MTA1: variants seen among roughly 807,000 people sequenced by gnomAD.
MTA1 encodes the protein metastasis associated 1, also known as metastasis-associated protein MTA1.
MTA1 carries 15 observed loss-of-function variants against 97.0 expected under a neutral mutation model. The ratio of observed to expected loss-of-function variants is 0.15; its 90% CI spans 0.10 to 0.24. The LOEUF (loss-of-function observed/expected upper bound fraction) is 0.24. Among genes scored for constraint, MTA1 ranks in the 10% least tolerant of loss-of-function variants. The pLI is 1.00. For missense variants in MTA1, 709 were observed against 1,015.1 expected, an observed-to-expected ratio of 0.70 and a Z score of 4.10; for synonymous variants, 435 against 417.5, an observed-to-expected ratio of 1.04 and a Z score of -0.51.
At chr14:105,456,943 A>G (rs1406869017) in intron 7 of MTA1, among the ~76,000 whole-genome samples, 1 of 152,246 alleles carries the variant, frequency 6.6e-6, no homozygotes, top group Non-Finnish European at 1.5e-5. Context: ...CACATGGCCC[A>G]GGATGTCCGG....
Position 105,470,503 on chromosome 14 carries a change from C to G in MTA1, c.*288C>G, listed in dbSNP as rs950205945. 1 of 380,812 alleles carries G rather than the reference C, an allele frequency of 2.6e-6. No individual in the cohort carries two copies. Among genetic ancestry groups the G allele is most frequent in the Non-Finnish European group, 4.7e-6 (1 of 214,814 alleles). 23.6% of individuals were successfully genotyped at this position (380,812 alleles called of 1,614,324 possible). A position where few individuals can be genotyped will look rare whatever the true frequency, so the allele number is the denominator to read the frequency against. ...GCTGCGGGGCCTTTTGCCCGGAGGC[C>G]GGGCCCTAAGGTTTTGTTGTGTTCT... is the stretch of plus-strand genomic sequence containing the variant. On this transcript the variant is annotated 3_prime_UTR_variant, in exon 21 of 21. Coordinates refer to ENST00000331320, the MANE Select transcript of MTA1 (RefSeq NM_004689.4).
Position 105,424,871 on chromosome 14 carries a change from T to C in MTA1, c.28+4808T>C, listed in dbSNP as rs2081963343. On this transcript the variant is annotated intron_variant, in intron 1 of 20. Coordinates refer to ENST00000331320, the MANE Select transcript of MTA1 (RefSeq NM_004689.4). The surrounding 1 kb of genome is among the most constrained non-coding windows in gnomAD (Gnocchi z 4.0). ...AAAAGTAGCTGTCAGTGAGAGATGTTGGAATATATGGTCCAATGAAGCACA... is the reference window on the plus strand; with the variant it reads ...AAAAGTAGCTGTCAGTGAGAGATGTCGGAATATATGGTCCAATGAAGCACA... 6.6e-6 allele frequency among the ~76,000 whole-genome samples: 1 copy of C among 152,244 alleles called. No homozygotes were observed. Among genetic ancestry groups the C allele is most frequent in the African/African-American group, 2.4e-5 (1 of 41,470 alleles).
chr14:105,441,759 A>G lies in MTA1; in HGVS notation c.96+3020A>G, dbSNP rs587678677. Among the ~76,000 whole-genome samples the G allele has an allele frequency of 2.2e-4, 33 of 152,222 alleles. 1 individual carries two copies. In the East Asian group the frequency reaches 3.9e-3, roughly 18 times the overall value. ...CAGTGAGCCGAGATCCCGCCACTAC[A>G]CTCCAGCCTGGGCGACAGAGCGAGA... On this transcript the variant is annotated intron_variant, in intron 2 of 20. Coordinates refer to ENST00000331320, the MANE Select transcript of MTA1 (RefSeq NM_004689.4).
chr14:105,445,242 G>T (rs2082676948), intron 2 of MTA1, among the ~76,000 whole-genome samples, 176 bp from the exon 3 acceptor site: 1 of 152,232 alleles, frequency 6.6e-6, no homozygotes, highest in African/African-American at 2.4e-5. Context: ...GACGCCACGG[G>T]CGTCCAGAGC....
intron 17 of MTA1, 60 bp from the exon 18 acceptor site, chr14:105,466,647 G>C: frequency 6.3e-7 from 1 of 1,589,998 alleles, no homozygotes; most frequent in Non-Finnish European, 8.6e-7. Flanking sequence ...CCCCGCCCGG[G>C]CACCCGCCGT....
Position 105,466,568 on chromosome 14 carries a change from C to T in MTA1, c.1767C>T (p.Asn589=), listed in dbSNP as rs375441325. ...ILGKRSYEQH[N]GVDGNMKKRL... ...GCAAGCGCAGCTACGAGCAGCACAA[C>T]GGGGTGGACGGTGAGTGGCCCCCCC... The change falls in exon 17 of 21, where the codon AAC becomes AAT. Residue 589 remains asparagine, a synonymous_variant. Transcript: ENST00000331320. The T allele has an allele frequency of 3.0e-5, 48 of 1,576,294 alleles. No homozygotes were observed. Among genetic ancestry groups the T allele is most frequent in the African/African-American group, 1.6e-4 (12 of 74,092 alleles).
At chr14:105,426,670 C>T (rs1202930103) in intron 1 of MTA1, among the ~76,000 whole-genome samples, 1 of 152,222 alleles carries the variant, frequency 6.6e-6, no homozygotes, top group Non-Finnish European at 1.5e-5. Flanking sequence ...CTGTCCCCAT[C>T]CCTTGACTGC....
chr14:105,463,168 G>A lies in MTA1; in HGVS notation c.943-16G>A, dbSNP rs56013805. ...CTGCCCCTTCCTGCTTGTGTGACAC[G>A]CCTCCTCCCACCCAGCTCCCGTGGA... On this transcript the variant is annotated splice_polypyrimidine_tract_variant and intron_variant, in intron 10 of 20. Coordinates refer to ENST00000331320, the MANE Select transcript of MTA1 (RefSeq NM_004689.4). This position sits in a 1 kb window ranked among gnomAD's most constrained non-coding sequence, Gnocchi z 5.9. The A allele has an allele frequency of 0.022, 34,657 of 1,609,904 alleles. 619 individuals carry two copies. Among genetic ancestry groups the A allele is most frequent in the Middle Eastern group, 0.092 (558 of 6,054 alleles).
intron 18 of MTA1, chr14:105,468,001 G>A (rs1253668098): frequency 6.7e-6 from 2 of 296,728 alleles, no homozygotes; most frequent in East Asian, 1.8e-4. Flanking sequence ...CTGGCTGGGC[G>A]GGGCCCTGGG....
chr14:105,457,599 C>A (rs1342683401), intron 7 of MTA1, among the ~76,000 whole-genome samples: 2 of 152,248 alleles, frequency 1.3e-5, no homozygotes, highest in Non-Finnish European at 2.9e-5. Flanking sequence ...GCAGGGCCCT[C>A]TTGCAACAGC....
At chr14:105,457,080 C>T (rs1433541028) in intron 7 of MTA1, among the ~76,000 whole-genome samples, 5 of 152,194 alleles carry the variant, frequency 3.3e-5, no homozygotes, top group African/African-American at 1.2e-4. Flanking sequence ...AGGGCAGCCC[C>T]GCACTCCGTG....
In MTA1 at chr14:105,469,773, G is replaced by C. The variant is rs369101352; in HGVS notation, c.1846-68G>C. 1.5e-4 allele frequency: 235 copies of C among 1,554,366 alleles called. 2 individuals are homozygous for C. The African/African-American group carries it at 2.7e-3, about 18-fold the overall frequency. The stretch of plus-strand genomic sequence containing the variant: ...TTGGCCAGGCACAGCACCTCCCAGC[G>C]GGAGCCCTGCAGGTTGAGGTGGAGC... On this transcript the variant is annotated intron_variant, in intron 19 of 20. Coordinates refer to ENST00000331320, the MANE Select transcript of MTA1 (RefSeq NM_004689.4).
chr14:105,466,633 C>T (rs1211958546), intron 17 of MTA1, 55 bp downstream of exon 17: 3 of 1,579,036 alleles, frequency 1.9e-6, no homozygotes, highest in South Asian at 1.1e-5. Context: ...TGAGTCCGGC[C>T]CGTCCCCGCC....
intron 10 of MTA1, among the ~76,000 whole-genome samples, chr14:105,461,888 C>T (rs1377264353): frequency 2.0e-5 from 3 of 152,186 alleles, no homozygotes; most frequent in East Asian, 1.9e-4. Context: ...AAGGCGGATA[C>T]GGATCTCTCC....
chr14:105,458,207 G>A (rs1384698669), intron 7 of MTA1, 63 bp from the exon 8 acceptor site: 1 of 1,432,376 alleles, frequency 7.0e-7, no homozygotes, highest in Non-Finnish European at 9.8e-7. Flanking sequence ...ACCCGGGGAG[G>A]AGAGGCGCGG....
At chr14:105,428,528 A>G (rs1447495798) in intron 1 of MTA1, among the ~76,000 whole-genome samples, 1 of 152,002 alleles carries the variant, frequency 6.6e-6, no homozygotes, top group Non-Finnish European at 1.5e-5. Context: ...TCGGACTCCC[A>G]TAGTGCTGAG....
rs1230398060 is a variant in MTA1, at chr14:105,420,719, G to T, written c.28+656G>T. 6.6e-6 allele frequency among the ~76,000 whole-genome samples: 1 copy of T among 152,222 alleles called. No homozygotes were observed. The highest frequency in any genetic ancestry group is 2.4e-5 in the African/African-American group (1 of 41,464). ...GCAAGGGTTGGGGAGAGGCCGGAGG[G>T]CCTCCTGGGCAGGGGCTTCCTCCGT... On this transcript the variant is annotated intron_variant, in intron 1 of 20. Coordinates refer to ENST00000331320, the MANE Select transcript of MTA1 (RefSeq NM_004689.4). The surrounding 1 kb of genome is among the most constrained non-coding windows in gnomAD (Gnocchi z 5.3).
chr14:105,430,298 G>A (rs1439847293), intron 1 of MTA1, among the ~76,000 whole-genome samples: 2 of 152,156 alleles, frequency 1.3e-5, no homozygotes, highest in African/African-American at 4.8e-5. Context: ...CAGTATTGTT[G>A]TGTCTCAGGG....
intron 16 of MTA1, 147 bp downstream of exon 16, chr14:105,465,330 T>A (rs1490219541): frequency 1.7e-6 from 1 of 596,564 alleles, no homozygotes; most frequent in Non-Finnish European, 2.6e-6. Context: ...TGGGGTACTC[T>A]GCACCGTGCC....
Sources: allele counts gnomAD v4.1 joint callset (sites outside exome capture counted in the v4.1 genomes callset), GRCh38; gene constraint gnomAD v4.1.1; non-coding constraint Gnocchi (gnomAD v3.1); transcripts MANE v1.5; gene names NCBI Gene and HGNC (gene_info 2026-07-23, HGNC 2026-07-21).